The following PNPT1 variants were observed in gnomAD, a reference collection of about 807,000 sequenced individuals.
PNPT1 encodes the protein polyribonucleotide nucleotidyltransferase 1, also known as polyribonucleotide nucleotidyltransferase 1, mitochondrial.
In PNPT1, 53 loss-of-function variants were observed where a neutral mutation model predicts 119.5. The observed-to-expected ratio is 0.44, with a 90% confidence interval of 0.36 to 0.56. PNPT1 has a LOEUF of 0.56. Among genes scored for constraint, PNPT1 ranks in the 20% least tolerant of loss-of-function variants. PNPT1 has a pLI of 0.00. For synonymous variants in PNPT1, 357 were observed against 322.1 expected, an observed-to-expected ratio of 1.11 and a Z score of -1.16; for missense variants, 948 against 938.5, an observed-to-expected ratio of 1.01 and a Z score of -0.13.
intron 18 of PNPT1, 31 bp downstream of exon 18, chr2:55,654,869 T>C (rs1466625872): frequency 1.9e-6 from 3 of 1,603,662 alleles, no homozygotes; most frequent in South Asian, 1.1e-5. Context: ...GCATGAGCAA[T>C]ATCAGCAGTT....
At chr2:55,680,620 C>T in intron 7 of PNPT1, 92 bp downstream of exon 7, 2 of 1,169,744 alleles carry the variant, frequency 1.7e-6, no homozygotes, top group Non-Finnish European at 2.5e-6. Context: ...GGTAATAAAT[C>T]AGAGCCATAT....
chr2:55,652,709 G>A (rs1031124835), intron 18 of PNPT1, among the ~76,000 whole-genome samples: 5 of 152,102 alleles, frequency 3.3e-5, no homozygotes, highest in South Asian at 2.1e-4. Context: ...ATCATAAACC[G>A]TAAAGCTGAA....
intron 26 of PNPT1, among the ~76,000 whole-genome samples, chr2:55,637,999 CAAAAAAAA>C (rs890316221): frequency 1.1e-5 from 1 of 88,052 alleles, no homozygotes; most frequent in African/African-American, 4.3e-5. Context: ...GAATCCGTCT[CAAAAAAAA>C]AAAAAAAAAA....
intron 18 of PNPT1, among the ~76,000 whole-genome samples, chr2:55,651,338 G>A (rs1471548971): frequency 1.3e-5 from 2 of 152,160 alleles, no homozygotes; most frequent in African/African-American, 4.8e-5. Context: ...AGAAAGGGGG[G>A]AAAGGTGGGG....
In PNPT1 at chr2:55,667,623, T is replaced by C. The variant is rs780946512; in HGVS notation, c.1073+239A>G. ...CAAAAAACAAACAAACAAAAAACTC[T>C]ACAGGTAATCCTGAAGTGCAGTCAG... On this transcript the variant is annotated intron_variant, in intron 12 of 27. Coordinates refer to ENST00000447944, the MANE Select transcript of PNPT1 (RefSeq NM_033109.5). Among the ~76,000 whole-genome samples the C allele has an allele frequency of 3.3e-5, 5 of 151,634 alleles. No homozygotes were observed. In the South Asian group the frequency reaches 6.3e-4, roughly 19 times the overall value.
intron 17 of PNPT1, 26 bp downstream of exon 17, chr2:55,656,105 A>C: frequency 6.3e-7 from 1 of 1,598,000 alleles, no homozygotes; most frequent in Admixed American, 1.8e-5. Flanking sequence ...CTTTTCTACT[A>C]TGAAAGAAGT....
Position 55,636,285 on chromosome 2 carries a change from A to T in PNPT1, c.2304T>A (p.Ser768Arg), listed in dbSNP as rs1333679802. The change falls in exon 28 of 28, where the codon AGT (serine) becomes AGA (arginine). Residue 768 changes from serine to arginine, a missense_variant. By Grantham distance (110) the Ser-to-Arg change is moderately radical (BLOSUM62 -1). Transcript: ENST00000447944. ...GTGAAATAGGTTCTCCCATTACAATACTACTTCTGTCATTCAAAGTTCTGA... is the reference window on the plus strand; with the variant it reads ...GTGAAATAGGTTCTCCCATTACAATTCTACTTCTGTCATTCAAAGTTCTGA... ...TVVRTLNDRSSIVMGEPISQS... is the reference protein window; with the variant it reads ...TVVRTLNDRSRIVMGEPISQS... 2 of 1,613,808 alleles carry T rather than the reference A, an allele frequency of 1.2e-6. No homozygotes were observed. Among genetic ancestry groups the T allele is most frequent in the Admixed American group, 3.3e-5 (2 of 60,002 alleles).
chr2:55,671,758 C>T (rs183222655), intron 10 of PNPT1, among the ~76,000 whole-genome samples: 43 of 152,232 alleles, frequency 2.8e-4, no homozygotes, highest in Admixed American at 2.0e-3. Context: ...CGCTGGAAGG[C>T]GAAAGTTGCA....
chr2:55,640,819 C>T (rs1328147077), intron 25 of PNPT1, 114 bp from the exon 26 acceptor site: 3 of 684,806 alleles, frequency 4.4e-6, no homozygotes, highest in Non-Finnish European at 7.3e-6. Flanking sequence ...AGAAACAATT[C>T]TAGCACGTTT....
chr2:55,655,064 A>G (rs1192137177), intron 17 of PNPT1, 111 bp from the exon 18 acceptor site: 2 of 1,061,190 alleles, frequency 1.9e-6, no homozygotes, highest in Non-Finnish European at 2.7e-6. Flanking sequence ...AATATTCAAT[A>G]GTCTCTTCTT....
chr2:55,650,178 G>A (rs933686845), intron 18 of PNPT1, among the ~76,000 whole-genome samples: 1 of 132,696 alleles, frequency 7.5e-6, no homozygotes, highest in African/African-American at 2.7e-5. Context: ...CTCTACCCAC[G>A]GTCTCCCTCT....
chr2:55,644,048 AG>A (rs1173876621), intron 23 of PNPT1, among the ~76,000 whole-genome samples: 4 of 152,204 alleles, frequency 2.6e-5, no homozygotes, highest in African/African-American at 9.6e-5. Context: ...AATTACGAGT[AG>A]AAACTATAAT....
intron 8 of PNPT1, among the ~76,000 whole-genome samples, chr2:55,675,606 T>C (rs913710725): frequency 6.6e-6 from 1 of 151,754 alleles, no homozygotes; most frequent in Admixed American, 6.6e-5. Context: ...GCTGAGGACA[T>C]AGGATCGTTT....
At chr2:55,676,617 T>G (rs1697080985) in intron 8 of PNPT1, among the ~76,000 whole-genome samples, 1 of 152,116 alleles carries the variant, frequency 6.6e-6, no homozygotes, top group Non-Finnish European at 1.5e-5. Context: ...ATCCCGGCAC[T>G]TCGGGAGGCT....
chr2:55,648,481 ATATTCT>A (rs1306301682), intron 18 of PNPT1, among the ~76,000 whole-genome samples: 3 of 152,204 alleles, frequency 2.0e-5, no homozygotes, highest in Non-Finnish European at 4.4e-5. Flanking sequence ...ATGCTACTCT[ATATTCT>A]TATTAATTCT....
At chr2:55,638,728 C>A (rs866242723) in intron 26 of PNPT1, among the ~76,000 whole-genome samples, 1 of 151,986 alleles carries the variant, frequency 6.6e-6, no homozygotes, top group African/African-American at 2.4e-5. Context: ...TGTATGTGTA[C>A]GGCATTTATA....
rs751043523 is a variant in PNPT1 at position 55,636,315 on chromosome 2, G to A, written c.2274C>T (p.Thr758=). ...SRKVLQSPAT[T]VVRTLNDRSS... is the part of the protein sequence containing the mutation. Reference sequence around the variant, plus strand: ...TTCTGTCATTCAAAGTTCTGACCACGGTTGTAGCTGGCGACTGAAGCACTT... The same window carrying A: ...TTCTGTCATTCAAAGTTCTGACCACAGTTGTAGCTGGCGACTGAAGCACTT... Residue 758 remains threonine (T), a synonymous_variant, in exon 28 of 28, where the codon ACC becomes ACT. Transcript: ENST00000447944. 9.3e-6 allele frequency: 15 copies of A among 1,613,814 alleles called. No individual in the cohort carries two copies. The highest frequency in any genetic ancestry group is 5.0e-5 in the Admixed American group (3 of 59,978).
At chr2:55,671,211 T>G (rs973967753) in intron 11 of PNPT1, 108 bp downstream of exon 11, 1 of 523,652 alleles carries the variant, frequency 1.9e-6, no homozygotes, top group African/African-American at 2.0e-5. Context: ...TTCCTACAGA[T>G]GTGATGCCTT....
At chr2:55,650,836 A>G (rs1696157686) in intron 18 of PNPT1, among the ~76,000 whole-genome samples, 1 of 144,416 alleles carries the variant, frequency 6.9e-6, no homozygotes, top group African/African-American at 2.6e-5. Context: ...CCCAGCAGCC[A>G]CCCCGTCTGG....
Sources: allele counts gnomAD v4.1 joint callset (sites outside exome capture counted in the v4.1 genomes callset), GRCh38; gene constraint gnomAD v4.1.1; transcripts MANE v1.5; gene names NCBI Gene and HGNC (gene_info 2026-07-23, HGNC 2026-07-21).